The following ACKR2 variants were observed in gnomAD, a reference collection of about 807,000 sequenced individuals.
The protein encoded by ACKR2 is atypical chemokine receptor 2, also known as C-C chemokine receptor D6.
For missense variants in ACKR2, 457 were observed against 477.3 expected, an observed-to-expected ratio of 0.96 and a Z score of 0.40; for synonymous variants, 207 against 192.2, an observed-to-expected ratio of 1.08 and a Z score of -0.64.
intron 2 of ACKR2, among the ~76,000 whole-genome samples, chr3:42,823,581 G>A (rs990222867): frequency 6.6e-6 from 1 of 152,214 alleles, no homozygotes; most frequent in African/African-American, 2.4e-5. Flanking sequence ...TAAGCAAGCA[G>A]AACTTACCCT....
chr3:42,822,145 TATAG>T lies in ACKR2; in HGVS notation c.-38+2444_-38+2447del, dbSNP rs369292636. 4.7e-3 allele frequency among the ~76,000 whole-genome samples: 702 copies of T among 148,418 alleles called. 10 individuals are homozygous for T. Among genetic ancestry groups the T allele is most frequent in the East Asian group, 0.014 (69 of 4,992 alleles). On this transcript the variant is annotated intron_variant, in intron 2 of 2. Transcript: ENST00000422265. The stretch of plus-strand genomic sequence containing the variant: ...TTATATGCATTGACTTCTAGGTATT[TATAG>T]ATAGATAGAGACAGATATAAATAAA...
At chr3:42,833,316 G>A (rs1258088936) in intron 2 of ACKR2, among the ~76,000 whole-genome samples, 1 of 152,146 alleles carries the variant, frequency 6.6e-6, no homozygotes, top group Non-Finnish European at 1.5e-5. Flanking sequence ...ATTATCTCAA[G>A]ATGTAATCAA....
chr3:42,826,049 C>T lies in ACKR2; in HGVS notation c.-38+6338C>T, dbSNP rs1341689039. 7.3e-5 allele frequency among the ~76,000 whole-genome samples: 11 copies of T among 151,350 alleles called. No homozygotes were observed. In the East Asian group the frequency reaches 1.4e-3, roughly 19 times the overall value. On this transcript the variant is annotated intron_variant, in intron 2 of 2. Transcript: ENST00000422265. The stretch of plus-strand genomic sequence containing the variant: ...ATGTTGTCTTACATTGTTTGAGTTT[C>T]GGATGTTGAACGGTTTAACCTTGCA...
At chr3:42,834,130 G>A (rs1427939821) in intron 2 of ACKR2, among the ~76,000 whole-genome samples, 1 of 151,964 alleles carries the variant, frequency 6.6e-6, no homozygotes, top group Non-Finnish European at 1.5e-5. Flanking sequence ...GGCTAATTTT[G>A]TATTTTTAGT....
intron 2 of ACKR2, among the ~76,000 whole-genome samples, chr3:42,823,306 T>C (rs1700828255): frequency 6.6e-6 from 1 of 152,234 alleles, no homozygotes; most frequent in Non-Finnish European, 1.5e-5. Flanking sequence ...GGGGAATTTG[T>C]ACTGAACTTG....
At chr3:42,818,080 T>TGCCA (rs939458711) in intron 1 of ACKR2, among the ~76,000 whole-genome samples, 1 of 152,230 alleles carries the variant, frequency 6.6e-6, no homozygotes, top group Non-Finnish European at 1.5e-5. Context: ...CTCCTCTGTC[T>TGCCA]GCCACACTTC....
chr3:42,817,176 A>G (rs530352807), intron 1 of ACKR2, among the ~76,000 whole-genome samples: 41 of 152,286 alleles, frequency 2.7e-4, no homozygotes, highest in African/African-American at 9.6e-4. Flanking sequence ...ATAGAGCCTC[A>G]GTACATGTTA....
chr3:42,817,315 A>T (rs1353535250), intron 1 of ACKR2, among the ~76,000 whole-genome samples: 1 of 151,800 alleles, frequency 6.6e-6, no homozygotes, highest in East Asian at 1.9e-4. Context: ...CTCTAAATCA[A>T]TTCTCTCATT....
chr3:42,847,718 G>T (rs2125616903), intron 2 of ACKR2, among the ~76,000 whole-genome samples: 1 of 151,960 alleles, frequency 6.6e-6, no homozygotes, highest in South Asian at 2.1e-4. Flanking sequence ...GCATGAGCTT[G>T]GTGGTGCTGG....
chr3:42,846,089 C>T (rs1362810380), intron 2 of ACKR2, among the ~76,000 whole-genome samples: 3 of 151,988 alleles, frequency 2.0e-5, no homozygotes, highest in Non-Finnish European at 2.9e-5. Context: ...ATTATAACAT[C>T]GGGTTCGTGG....
intron 2 of ACKR2, chr3:42,835,512 T>G (rs932185883): frequency 6.6e-6 from 1 of 152,142 alleles, no homozygotes; most frequent in African/African-American, 2.4e-5. Context: ...GTGAGTTCCT[T>G]GAGTCTCACT....
chr3:42,855,394 T>C (rs942814277), intron 2 of ACKR2, among the ~76,000 whole-genome samples: 3 of 152,206 alleles, frequency 2.0e-5, no homozygotes, highest in Non-Finnish European at 4.4e-5. Flanking sequence ...TGAAGGTGTC[T>C]GGCCAGCTGT....
chr3:42,865,132 C>T lies in ACKR2; in HGVS notation c.630C>T (p.Leu210=). Residue 210 remains leucine (L), a synonymous_variant, in exon 3 of 3, where the codon CTC becomes CTT. Coordinates refer to ENST00000422265, the MANE Select transcript of ACKR2 (RefSeq NM_001296.5). ...ATGGGACCATTTGGAAGCTCTTCCT[C>T]CGCTTCCAGCAGAACCTCCTAGGGT... The part of the protein sequence containing the change: ...GGHGTIWKLF[L]RFQQNLLGFL... The T allele has an allele frequency of 3.7e-6, 6 of 1,614,032 alleles. No individual in the cohort carries two copies. Among genetic ancestry groups the T allele is most frequent in the African/African-American group, 1.3e-5 (1 of 75,036 alleles).
intron 2 of ACKR2, among the ~76,000 whole-genome samples, chr3:42,833,999 G>T (rs1482911045): frequency 6.6e-6 from 1 of 152,086 alleles, no homozygotes; most frequent in Non-Finnish European, 1.5e-5. Context: ...TTTCGCTCTT[G>T]TTGCCCAGGC....
At chr3:42,859,854 A>G (rs1440709135) in intron 2 of ACKR2, among the ~76,000 whole-genome samples, 1 of 152,140 alleles carries the variant, frequency 6.6e-6, no homozygotes, top group Non-Finnish European at 1.5e-5. Flanking sequence ...ACATGGAAAG[A>G]ACAAACTGGT....
chr3:42,820,435 T>C lies in ACKR2; in HGVS notation c.-38+724T>C, dbSNP rs113353668. 7.3e-3 allele frequency among the ~76,000 whole-genome samples: 1,105 copies of C among 151,714 alleles called. 11 individuals carry two copies. The highest frequency in any genetic ancestry group is 0.026 in the African/African-American group (1,058 of 41,346). On this transcript the variant is annotated intron_variant, in intron 2 of 2. Transcript: ENST00000422265. Reference sequence around the variant, plus strand: ...GGTGAAACCCCATCTCTACTAAAAATACAAAAAATTAGCCAGATGTGGTGG... The same window carrying C: ...GGTGAAACCCCATCTCTACTAAAAACACAAAAAATTAGCCAGATGTGGTGG...
chr3:42,851,951 A>G (rs1701165584), intron 2 of ACKR2, among the ~76,000 whole-genome samples: 1 of 152,178 alleles, frequency 6.6e-6, no homozygotes, highest in Non-Finnish European at 1.5e-5. Flanking sequence ...TCCAGATTCA[A>G]ATAGTCCCTG....
intron 2 of ACKR2, among the ~76,000 whole-genome samples, chr3:42,849,855 G>A (rs1701134092): frequency 6.6e-6 from 1 of 152,038 alleles, no homozygotes. Flanking sequence ...AAATATGTAA[G>A]TTTTATATAT....
chr3:42,835,950 T>G (rs1419428787), intron 2 of ACKR2: 1 of 152,120 alleles, frequency 6.6e-6, no homozygotes. Flanking sequence ...AGGAGCATCA[T>G]AGAAGCACCC....
Sources: allele counts gnomAD v4.1 joint callset (sites outside exome capture counted in the v4.1 genomes callset), GRCh38; gene constraint gnomAD v4.1.1; transcripts MANE v1.5; gene names NCBI Gene and HGNC (gene_info 2026-07-23, HGNC 2026-07-21).